PHF7: variants seen among roughly 807,000 people sequenced by gnomAD.
The protein encoded by PHF7 is E3 ubiquitin-protein ligase PHF7.
A neutral mutation model predicts 47.5 loss-of-function variants in PHF7; 24 were observed. The observed-to-expected ratio is 0.51, with a 90% CI of 0.37 to 0.71. The LOEUF (loss-of-function observed/expected upper bound fraction) is 0.71. Ranked by LOEUF, PHF7 falls within the 30% of genes least tolerant of loss-of-function variation. The probability of loss-of-function intolerance (pLI) is 0.00; values close to 1 mark genes in which losing one functional copy is unlikely to be tolerated. For missense variants in PHF7, 361 were observed against 456.8 expected (o/e 0.79, Z 1.91); for synonymous variants, 156 against 153.8 (o/e 1.01, Z -0.11).
Position 52,422,241 on chromosome 3 carries a change from G to C in PHF7, c.700G>C (p.Glu234Gln), listed in dbSNP as rs1251535093. Residue 234 changes from glutamate to glutamine, a missense_variant, in exon 9 of 11, where the codon GAG becomes CAG. Coordinates refer to ENST00000327906, the MANE Select transcript of PHF7 (RefSeq NM_016483.7). The stretch of plus-strand genomic sequence containing the variant: ...CTGCAGAGATGCTGCCTGGGAACTC[G>C]AGCCAGGGGCTTTCTCAGACTTATA... ...IPDRDAAWELEPGAFSDLYQR... is the reference protein window; with the variant it reads ...IPDRDAAWELQPGAFSDLYQR... 1 of 1,613,226 alleles carries C rather than the reference G, an allele frequency of 6.2e-7. No homozygotes were observed. The highest frequency in any genetic ancestry group is 8.5e-7 in the Non-Finnish European group (1 of 1,179,198).
intron 2 of PHF7, 119 bp downstream of exon 2, chr3:52,413,039 C>T: frequency 1.3e-6 from 1 of 761,474 alleles, no homozygotes; most frequent in Non-Finnish European, 2.3e-6. Flanking sequence ...TGTGGAAGCA[C>T]ACACGGAGCT....
intron 5 of PHF7, 186 bp from the exon 6 acceptor site, chr3:52,420,125 G>C: frequency 1.3e-6 from 1 of 798,552 alleles, no homozygotes; most frequent in Non-Finnish European, 2.2e-6. Flanking sequence ...GAAACATCTT[G>C]AGAAAATAGG....
intron 4 of PHF7, 88 bp downstream of exon 4, chr3:52,414,675 C>A: frequency 1.4e-6 from 1 of 733,658 alleles, no homozygotes; most frequent in Non-Finnish European, 2.3e-6. Flanking sequence ...ATATCCACAG[C>A]CTTGTTTTTT....
rs1356508663 is a variant in PHF7, at chr3:52,420,443, A to G, written c.413+8A>G. 1 of 1,613,636 alleles carries G rather than the reference A, an allele frequency of 6.2e-7. No homozygotes were observed. The highest frequency in any genetic ancestry group is 2.2e-5 in the East Asian group (1 of 44,894). ...ATTTTTTGGAGAGTACAAGTGAGTG[A>G]GGGAAGGGAAAAGTCTGGCTTCCTT... On this transcript the variant is annotated splice_region_variant and intron_variant, in intron 6 of 10. Coordinates refer to ENST00000327906, the MANE Select transcript of PHF7 (RefSeq NM_016483.7).
At position 52,422,850 on chromosome 3, in the gene PHF7, G is replaced by A; in HGVS notation, c.888G>A (p.Glu296=). ...SSLRSNSKKW[E]CEECSPAAAT... Reference sequence around the variant, plus strand: ...TTAGATCTAACAGTAAGAAATGGGAGTGTGAGGAGTGTTCACCTGCTGCAG... The same window carrying A: ...TTAGATCTAACAGTAAGAAATGGGAATGTGAGGAGTGTTCACCTGCTGCAG... Residue 296 remains glutamate, a synonymous_variant, in exon 10 of 11, where the codon GAG becomes GAA. Coordinates refer to ENST00000327906, the MANE Select transcript of PHF7 (RefSeq NM_016483.7). The A allele has an allele frequency of 6.2e-7, 1 of 1,614,178 alleles. No homozygotes were observed. Among genetic ancestry groups the A allele is most frequent in the South Asian group, 1.1e-5 (1 of 91,078 alleles).
At chr3:52,414,957 C>T (rs770838007) in intron 4 of PHF7, 1 of 153,216 alleles carries the variant, frequency 6.5e-6, no homozygotes, top group Non-Finnish European at 1.4e-5. Flanking sequence ...GATCACACCA[C>T]CACACTCCAG....
chr3:52,421,153 A>G (rs1705777410), intron 7 of PHF7, 91 bp downstream of exon 7: 1 of 1,195,942 alleles, frequency 8.4e-7, no homozygotes, highest in Non-Finnish European at 1.2e-6. Flanking sequence ...GGTGTGCCTC[A>G]GCTTTGGTGC....
chr3:52,422,919 G>T, intron 10 of PHF7, 38 bp downstream of exon 10: 1 of 1,613,086 alleles, frequency 6.2e-7, no homozygotes, highest in Non-Finnish European at 8.5e-7. Flanking sequence ...AGAGCAAGGA[G>T]GGGGCTGTAG....
At chr3:52,417,908 G>A (rs1236930663) in intron 4 of PHF7, among the ~76,000 whole-genome samples, 1 of 151,982 alleles carries the variant, frequency 6.6e-6, no homozygotes, top group East Asian at 1.9e-4. Context: ...TTAGCTCTAG[G>A]TTTTTTTCAT....
Position 52,421,710 on chromosome 3 carries a change from G to A in PHF7, c.636G>A (p.Glu212=). The A allele has an allele frequency of 6.2e-7, 1 of 1,608,630 alleles. No individual in the cohort carries two copies. ...GTCCACAGTGTAACAATCGAAAAGA[G>A]TTTCCTCAAGAAATGCTGAGAATGG... ...FKCPQCNNRK[E]FPQEMLRMGI... is the part of the protein sequence containing the mutation. The change falls in exon 8 of 11, where the codon GAG becomes GAA. Residue 212 remains glutamate (E), a synonymous_variant. Transcript: ENST00000327906.
intron 3 of PHF7, 57 bp downstream of exon 3, chr3:52,414,105 C>A: frequency 8.6e-7 from 1 of 1,167,206 alleles, no homozygotes; most frequent in Non-Finnish European, 1.3e-6. Flanking sequence ...GCAAAGAAGG[C>A]CACCTGTGTG....
At chr3:52,417,171 A>G (rs533311835) in intron 4 of PHF7, among the ~76,000 whole-genome samples, 2 of 152,192 alleles carry the variant, frequency 1.3e-5, no homozygotes, top group Admixed American at 1.3e-4. Flanking sequence ...CTATGTATCT[A>G]TTCTTACACA....
rs1705418225 is a variant in PHF7, at chr3:52,411,223, C to G, written c.-94C>G. On this transcript the variant is annotated 5_prime_UTR_variant, in exon 1 of 11. Transcript: ENST00000327906. ...CTACTCAAGGAACGTCTTGGCCCAG[C>G]GATGCAAAGAACTGAAGTTTCAAGG... is the stretch of plus-strand genomic sequence containing the variant. 6.6e-6 allele frequency: 1 copy of G among 152,206 alleles called. No homozygotes were observed. The highest frequency in any genetic ancestry group is 1.5e-5 in the Non-Finnish European group (1 of 68,042). 9.4% of individuals were successfully genotyped at this position (152,206 alleles called of 1,614,324 possible).
At chr3:52,420,818 G>A in intron 6 of PHF7, 85 bp from the exon 7 acceptor site, 2 of 1,234,632 alleles carry the variant, frequency 1.6e-6, no homozygotes, top group South Asian at 1.4e-5. Context: ...CACCAGCCTG[G>A]GTGGCTGGCT....
intron 8 of PHF7, chr3:52,422,004 AT>A: frequency 1.7e-6 from 1 of 597,558 alleles, no homozygotes; most frequent in Non-Finnish European, 3.0e-6. Flanking sequence ...GAGTTATTGG[AT>A]TCCAGAGTGG....
chr3:52,421,818 G>A, intron 8 of PHF7, 64 bp downstream of exon 8: 1 of 836,734 alleles, frequency 1.2e-6, no homozygotes, highest in Non-Finnish European at 2.1e-6. Flanking sequence ...CTAGAGAGGA[G>A]GTGAGTGAGA....
rs1222343788 is a variant in PHF7 at position 52,410,930 on chromosome 3, G to A, written c.-387G>A. 4 of 152,282 alleles carry A rather than the reference G, an allele frequency of 2.6e-5. No individual in the cohort carries two copies. The highest frequency in any genetic ancestry group is 9.6e-5 in the African/African-American group (4 of 41,470). The allele number at this position is 152,282 out of a possible 1,614,324, so 9.4% of individuals were successfully genotyped here. A position where few individuals can be genotyped will look rare whatever the true frequency, so the allele number is the denominator to read the frequency against. On this transcript the variant is annotated 5_prime_UTR_variant, in exon 1 of 11. Coordinates refer to ENST00000327906, the MANE Select transcript of PHF7 (RefSeq NM_016483.7). ...GCCCCTTCTCCGGCTGTTAACCTCC[G>A]GGGAACGGTTGTGACCACACCGACA...
Position 52,419,439 on chromosome 3 carries a change from TTC to T in PHF7, c.187-392_187-391del, listed in dbSNP as rs1370895243. Among the ~76,000 whole-genome samples, 52 of 149,134 alleles carry T rather than the reference TTC, an allele frequency of 3.5e-4. 9 individuals are homozygous for T. Among genetic ancestry groups the T allele is most frequent in the Admixed American group, 5.3e-4 (8 of 15,028 alleles). On this transcript the variant is annotated intron_variant, in intron 4 of 10. Transcript: ENST00000327906. ...CCACCAAGCTCTGTTCTTTTTTTTT[TTC>T]TTTTTTGAGACAGAGTCTTGTTCTG...
chr3:52,420,551 T>C (rs1216131446), intron 6 of PHF7, 116 bp downstream of exon 6: 1 of 977,392 alleles, frequency 1.0e-6, no homozygotes. Context: ...AGTGAATCTG[T>C]CCCTCCATTC....
Sources: gnomAD v4.1 joint callset for allele counts (sites outside exome capture counted in the v4.1 genomes callset) on GRCh38, gnomAD v4.1.1 for gene constraint, MANE v1.5 for transcripts, NCBI Gene and HGNC (gene_info 2026-07-23, HGNC 2026-07-21) for gene names.